PCDHGB4: variants seen among roughly 807,000 people sequenced by gnomAD.
PCDHGB4 encodes protocadherin gamma subfamily B, 4.
PCDHGB4 carries 38 observed loss-of-function variants against 60.5 expected under a neutral mutation model. The observed-to-expected ratio is 0.63, with a 90% CI of 0.48 to 0.82. The LOEUF (loss-of-function observed/expected upper bound fraction) is 0.82. Among genes scored for constraint, PCDHGB4 ranks in the 40% least tolerant of loss-of-function variants. The probability of loss-of-function intolerance (pLI) is 0.00; values close to 1 mark genes in which losing one functional copy is unlikely to be tolerated. For synonymous variants in PCDHGB4, 456 were observed against 509.7 expected, an observed-to-expected ratio of 0.89 and a Z score of 1.42; for missense variants, 1,109 against 1,209.6, an observed-to-expected ratio of 0.92 and a Z score of 1.23.
chr5:141,483,730 T>G (rs999201456), intron 1 of PCDHGB4, among the ~76,000 whole-genome samples: 1 of 152,014 alleles, frequency 6.6e-6, no homozygotes, highest in Non-Finnish European at 1.5e-5. Flanking sequence ...CCCACCATAG[T>G]CAAAAGGATA....
At chr5:141,392,834 C>T in intron 1 of PCDHGB4, 2 of 1,607,664 alleles carry the variant, frequency 1.2e-6, no homozygotes, top group Non-Finnish European at 1.7e-6. Flanking sequence ...CACAGAGTCG[C>T]CCCAGACGCG....
chr5:141,398,017 A>AAACTGG (rs1270977201), intron 1 of PCDHGB4: 25 of 1,422,582 alleles, frequency 1.8e-5, no homozygotes, highest in Non-Finnish European at 2.2e-5. Context: ...ATCGTTTCCT[A>AAACTGG]AACTGGAACT....
In PCDHGB4 at chr5:141,432,452, C is replaced by T. The variant is rs780149710; in HGVS notation, c.2397+42171C>T. 3.7e-6 allele frequency: 6 copies of T among 1,614,094 alleles called. No homozygotes were observed. The highest frequency in any genetic ancestry group is 1.6e-4 in the Middle Eastern group (1 of 6,082). On this transcript the variant is annotated intron_variant, in intron 1 of 3. Coordinates refer to ENST00000519479, the MANE Select transcript of PCDHGB4 (RefSeq NM_003736.4). The surrounding 1 kb of genome is among the most constrained non-coding windows in gnomAD (Gnocchi z 6.0). ...CGACAATGCGCCCGAGATCCTGTACCCCGCCCTCCCCACGGACGGTTCCAC... is the reference window on the plus strand; with the variant it reads ...CGACAATGCGCCCGAGATCCTGTACTCCGCCCTCCCCACGGACGGTTCCAC...
At chr5:141,459,137 G>C (rs1336232891) in intron 1 of PCDHGB4, among the ~76,000 whole-genome samples, 1 of 152,190 alleles carries the variant, frequency 6.6e-6, no homozygotes, top group Non-Finnish European at 1.5e-5. Context: ...TAACCACCAT[G>C]CAATCAAAAT....
At chr5:141,400,903 T>C (rs1489476752) in intron 1 of PCDHGB4, among the ~76,000 whole-genome samples, 1 of 152,258 alleles carries the variant, frequency 6.6e-6, no homozygotes, top group Non-Finnish European at 1.5e-5. Flanking sequence ...TTAATTCATC[T>C]TTTAAAGCAA....
At chr5:141,446,942 G>C (rs1252429052) in intron 1 of PCDHGB4, among the ~76,000 whole-genome samples, 1 of 152,058 alleles carries the variant, frequency 6.6e-6, no homozygotes, top group Non-Finnish European at 1.5e-5. Flanking sequence ...TTCACTGTAA[G>C]AAACATCCAG....
chr5:141,434,877 C>A (rs1266355299), intron 1 of PCDHGB4, among the ~76,000 whole-genome samples: 1 of 151,612 alleles, frequency 6.6e-6, no homozygotes, highest in Non-Finnish European at 1.5e-5. Flanking sequence ...TGACAGATAC[C>A]AACAACAATC....
chr5:141,486,909 C>A lies in PCDHGB4; in HGVS notation c.2398-7898C>A, dbSNP rs759702188. On this transcript the variant is annotated intron_variant, in intron 1 of 3. Coordinates refer to ENST00000519479, the MANE Select transcript of PCDHGB4 (RefSeq NM_003736.4). The surrounding 1 kb of genome is among the most constrained non-coding windows in gnomAD (Gnocchi z 5.0). ...CGGCCTGGTTCCTTATGTCCCCAAGCACTGCCTCCATCAGTTGGTGCTGGC... is the reference window on the plus strand; with the variant it reads ...CGGCCTGGTTCCTTATGTCCCCAAGAACTGCCTCCATCAGTTGGTGCTGGC... 3.1e-6 allele frequency: 5 copies of A among 1,614,262 alleles called. No individual in the cohort carries two copies. The East Asian group carries it at 1.1e-4, about 36-fold the overall frequency.
chr5:141,477,180 C>T lies in PCDHGB4; in HGVS notation c.2398-17627C>T. On this transcript the variant is annotated intron_variant, in intron 1 of 3. Coordinates refer to ENST00000519479, the MANE Select transcript of PCDHGB4 (RefSeq NM_003736.4). This position sits in a 1 kb window ranked among gnomAD's most constrained non-coding sequence, Gnocchi z 4.9. ...GACAACGCCCCGGAGATCACAGTCA[C>T]CTCCGTGTACAGCCCAGTACCCGAG... 1 of 1,614,196 alleles carries T rather than the reference C, an allele frequency of 6.2e-7. No homozygotes were observed. The highest frequency in any genetic ancestry group is 8.5e-7 in the Non-Finnish European group (1 of 1,180,032).
Position 141,491,279 on chromosome 5 carries a change from T to G in PCDHGB4, c.2398-3528T>G. 1 of 1,614,110 alleles carries G rather than the reference T, an allele frequency of 6.2e-7. No individual in the cohort carries two copies. The highest frequency in any genetic ancestry group is 2.2e-5 in the East Asian group (1 of 44,878). ...GAGGAAATGCCCAAATCCAGTGACT[T>G]CCTCATACACCCTCCTGAGCGTTCA... On this transcript the variant is annotated intron_variant, in intron 1 of 3. Transcript: ENST00000519479. The surrounding 1 kb of genome is among the most constrained non-coding windows in gnomAD (Gnocchi z 6.9).
chr5:141,495,384 C>A (rs2099760896), intron 2 of PCDHGB4, among the ~76,000 whole-genome samples: 1 of 152,190 alleles, frequency 6.6e-6, no homozygotes, highest in African/African-American at 2.4e-5. Flanking sequence ...AAGGACTGGG[C>A]GGGGCATGGA....
In PCDHGB4 at chr5:141,407,982, G is replaced by C. The variant is rs976187867; in HGVS notation, c.2397+17701G>C. On this transcript the variant is annotated intron_variant, in intron 1 of 3. Coordinates refer to ENST00000519479, the MANE Select transcript of PCDHGB4 (RefSeq NM_003736.4). Reference sequence around the variant, plus strand: ...GAGCAAGCGCTGACGCCGGGGATCCGTCAGCCTCTGGCCTGGGATTCCCTG... The same window carrying C: ...GAGCAAGCGCTGACGCCGGGGATCCCTCAGCCTCTGGCCTGGGATTCCCTG... 1.5e-4 allele frequency: 114 copies of C among 783,006 alleles called. 1 individual carries two copies. Among genetic ancestry groups the C allele is most frequent in the African/African-American group, 9.1e-4 (52 of 57,436 alleles). The allele number at this position is 783,006 out of a possible 1,614,324, so 48.5% of individuals were successfully genotyped here.
chr5:141,428,658 T>C (rs932328483), intron 1 of PCDHGB4: 1 of 165,620 alleles, frequency 6.0e-6, no homozygotes, highest in Non-Finnish European at 1.3e-5. Context: ...TGAGTTCCAA[T>C]GAATGTCTTT....
chr5:141,509,199 GTCTC>G (rs1017134758), intron 3 of PCDHGB4, among the ~76,000 whole-genome samples: 4 of 152,070 alleles, frequency 2.6e-5, no homozygotes, highest in Admixed American at 2.0e-4. Context: ...AATATTTCCT[GTCTC>G]TCTATTTCTC....
chr5:141,478,164 C>G lies in PCDHGB4; in HGVS notation c.2398-16643C>G, dbSNP rs202185809. On this transcript the variant is annotated intron_variant, in intron 1 of 3. Transcript: ENST00000519479. Reference sequence around the variant, plus strand: ...GCCGAGTTCCCCTCTGGCTCTGCCCCCCGGGAGCAGAAAAAAAATCTCACC... The same window carrying G: ...GCCGAGTTCCCCTCTGGCTCTGCCCGCCGGGAGCAGAAAAAAAATCTCACC... The G allele has an allele frequency of 1.0e-4, 167 of 1,613,890 alleles. No homozygotes were observed. Among genetic ancestry groups the G allele is most frequent in the Non-Finnish European group, 1.3e-4 (157 of 1,180,048 alleles).
At chr5:141,399,732 G>C (rs1270192367) in intron 1 of PCDHGB4, 27 of 1,613,174 alleles carry the variant, frequency 1.7e-5, no homozygotes, top group Non-Finnish European at 2.0e-5. Context: ...ACCAGGGCTC[G>C]CCTGCGCTCA....
intron 1 of PCDHGB4, among the ~76,000 whole-genome samples, chr5:141,458,921 C>CG (rs2098956905): frequency 6.6e-6 from 1 of 151,960 alleles, no homozygotes; most frequent in African/African-American, 2.4e-5. Flanking sequence ...TTTGTGGAGA[C>CG]GGGGTCTCAC....
intron 1 of PCDHGB4, among the ~76,000 whole-genome samples, chr5:141,492,409 C>T (rs1367119266): frequency 6.6e-6 from 1 of 152,230 alleles, no homozygotes. Context: ...TCCCCTCTGC[C>T]GCTCCCTCCG....
intron 1 of PCDHGB4, chr5:141,392,986 A>G (rs573495684): frequency 1.9e-6 from 3 of 1,613,454 alleles, no homozygotes; most frequent in East Asian, 4.5e-5. Context: ...GACCCCCGGA[A>G]GCTGGCGAAG....
Sources: allele counts gnomAD v4.1 joint callset (sites outside exome capture counted in the v4.1 genomes callset), GRCh38; gene constraint gnomAD v4.1.1; non-coding constraint Gnocchi (gnomAD v3.1); transcripts MANE v1.5; gene names NCBI Gene and HGNC (gene_info 2026-07-23, HGNC 2026-07-21).